The following BBS12 variants were observed in gnomAD, a reference collection of about 807,000 sequenced individuals.
BBS12 encodes the protein chaperonin-containing T-complex member BBS12.
A neutral mutation model predicts 5.6 loss-of-function variants in BBS12; 5 were observed. That is an observed-to-expected ratio of 0.89 (90% CI 0.46 to 1.86). The LOEUF is 1.86. Ranked by LOEUF, BBS12 falls within the 40% of genes most tolerant of loss-of-function variation. The pLI, the probability that BBS12 is intolerant of heterozygous loss-of-function variation, is 0.01. For synonymous variants in BBS12, 308 were observed against 306.8 expected (o/e 1.00, Z -0.04); for missense variants, 748 against 830.4 (o/e 0.90, Z 1.22).
At chr4:122,700,683 A>G in the BBS12 span, among the ~76,000 whole-genome samples, 1 of 152,216 alleles carries the variant, frequency 6.6e-6, no homozygotes, top group Admixed American at 6.5e-5. Context: ...GAGGATGTCC[A>G]AATTGGTGTT....
At chr4:122,712,455 A>G in the BBS12 span, among the ~76,000 whole-genome samples, 2 of 152,244 alleles carry the variant, frequency 1.3e-5, no homozygotes, top group Non-Finnish European at 2.9e-5. Flanking sequence ...TTTAAAAGCT[A>G]ATTACTATTG....
chr4:122,710,050 A>G, the BBS12 span, among the ~76,000 whole-genome samples: 5 of 152,320 alleles, frequency 3.3e-5, no homozygotes, highest in Admixed American at 6.5e-5. Context: ...AAACAGCTTG[A>G]TATATAAAAG....
At chr4:122,728,152 A>T (rs1409582958), upstream of BBS12, among the ~76,000 whole-genome samples, 2 of 152,200 alleles carry the variant, frequency 1.3e-5, no homozygotes, top group Non-Finnish European at 2.9e-5. Flanking sequence ...ATTTTAACCC[A>T]ATCACTTCAT....
At chr4:122,712,142 T>G in the BBS12 span, among the ~76,000 whole-genome samples, 38 of 152,224 alleles carry the variant, frequency 2.5e-4, no homozygotes, top group Non-Finnish European at 4.7e-4. Context: ...TTCTGTGAAC[T>G]TCAGACTTGG....
At chr4:122,721,725 T>G in the BBS12 span, among the ~76,000 whole-genome samples, 1 of 152,218 alleles carries the variant, frequency 6.6e-6, no homozygotes, top group Non-Finnish European at 1.5e-5. Flanking sequence ...GGATGGTGGC[T>G]AGGTTCCAAG....
the BBS12 span, among the ~76,000 whole-genome samples, chr4:122,721,568 A>C: frequency 6.6e-6 from 1 of 152,210 alleles, no homozygotes; most frequent in Admixed American, 6.5e-5. Flanking sequence ...CAGATTGTCT[A>C]TTATGCCCTA....
chr4:122,727,544 A>ATTTTTTTTTT, the BBS12 span, among the ~76,000 whole-genome samples: 34 of 82,292 alleles, frequency 4.1e-4, 8 homozygotes, highest in African/African-American at 1.4e-3. Flanking sequence ...CCCCTGGCCA[A>ATTTTTTTTTT]TTTTTTTTTT....
chr4:122,732,706 C>T lies in BBS12; in HGVS notation c.-189C>T, dbSNP rs1241192290. ...GGAACTTCTCTCTCCAGCTGTGTCTCTTAGCAACTAAGCCCCCGGCTCCTC... is the reference window on the plus strand; with the variant it reads ...GGAACTTCTCTCTCCAGCTGTGTCTTTTAGCAACTAAGCCCCCGGCTCCTC... On this transcript the variant is annotated 5_prime_UTR_variant, in exon 1 of 2. Transcript: ENST00000314218. 6.6e-6 allele frequency: 1 copy of T among 152,498 alleles called. No homozygotes were observed. Among genetic ancestry groups the T allele is most frequent in the Non-Finnish European group, 1.5e-5 (1 of 68,218 alleles). 9.4% of individuals were successfully genotyped at this position (152,498 alleles called of 1,614,324 possible).
At chr4:122,723,327 A>C in the BBS12 span, among the ~76,000 whole-genome samples, 2 of 152,206 alleles carry the variant, frequency 1.3e-5, no homozygotes, top group East Asian at 3.8e-4. Flanking sequence ...GCTTTTCCTT[A>C]AATGGTAATA....
intron 1 of BBS12, chr4:122,733,859 C>CTTTTTTTTTTTTTTTTTTTTTTTT (rs35729794): frequency 4.1e-5 from 4 of 97,130 alleles, no homozygotes; most frequent in Non-Finnish European, 6.0e-5. Flanking sequence ...TAACTTTAGT[C>CTTTTTTTTTTTTTTTTTTTTTTTT]TTTTTTTTTT....
At position 122,743,179 on chromosome 4, in the gene BBS12, T is replaced by TA. The variant is rs1560707962; in HGVS notation, c.1289dup (p.Arg431AlafsTer32). The TA allele has an allele frequency of 6.2e-7, 1 of 1,614,188 alleles. No homozygotes were observed. Among genetic ancestry groups the TA allele is most frequent in the Admixed American group, 1.7e-5 (1 of 60,028 alleles). On this transcript the variant is annotated frameshift_variant, in exon 2 of 2. Coordinates refer to ENST00000314218, the MANE Select transcript of BBS12 (RefSeq NM_152618.3). LOFTEE classifies it low-confidence loss of function (END_TRUNC). ...GCTTAATTGAAAAATGTATAAACAG[T>TA]AAGCGGTTGGTAATCGGCTCAGTGA...
chr4:122,707,067 T>C, the BBS12 span, among the ~76,000 whole-genome samples: 1 of 147,684 alleles, frequency 6.8e-6, no homozygotes, highest in African/African-American at 2.5e-5. Flanking sequence ...TTTTTTTTTT[T>C]TTTTTTTTTC....
chr4:122,725,806 G>A, the BBS12 span, among the ~76,000 whole-genome samples: 1 of 149,534 alleles, frequency 6.7e-6, no homozygotes, highest in East Asian at 2.0e-4. Flanking sequence ...GCTGAGGCAG[G>A]AGAATCGCTT....
chr4:122,722,585 T>C, the BBS12 span, among the ~76,000 whole-genome samples: 1 of 152,194 alleles, frequency 6.6e-6, no homozygotes, highest in African/African-American at 2.4e-5. Context: ...TACTTCTTAA[T>C]AGATTTTTAA....
chr4:122,716,653 A>G, the BBS12 span, among the ~76,000 whole-genome samples: 14,772 of 96,684 alleles, frequency 0.15, 1,634 homozygotes, highest in East Asian at 0.53. Context: ...ACGTGTGTGT[A>G]TATGCACATA....
the BBS12 span, among the ~76,000 whole-genome samples, chr4:122,716,652 T>TGG: frequency 1.2e-5 from 1 of 85,186 alleles, no homozygotes; most frequent in East Asian, 3.0e-4. Context: ...CACGTGTGTG[T>TGG]ATATGCACAT....
At chr4:122,737,336 A>T (rs1230042202) in intron 1 of BBS12, among the ~76,000 whole-genome samples, 1 of 152,214 alleles carries the variant, frequency 6.6e-6, no homozygotes, top group African/African-American at 2.4e-5. Flanking sequence ...AGGCAGAATT[A>T]TATAGTAGTT....
At chr4:122,709,844 C>T in the BBS12 span, among the ~76,000 whole-genome samples, 4 of 151,900 alleles carry the variant, frequency 2.6e-5, no homozygotes, top group East Asian at 1.9e-4. Context: ...TTAGTAGAGA[C>T]GGGATTTCAC....
At chr4:122,707,807 G>A in the BBS12 span, among the ~76,000 whole-genome samples, 1 of 152,092 alleles carries the variant, frequency 6.6e-6, no homozygotes, top group African/African-American at 2.4e-5. Context: ...TAAGTGTTCT[G>A]AGAGAAGCAG....
Sources: allele counts gnomAD v4.1 joint callset (sites outside exome capture counted in the v4.1 genomes callset), GRCh38; gene constraint gnomAD v4.1.1; transcripts MANE v1.5; gene names NCBI Gene and HGNC (gene_info 2026-07-23, HGNC 2026-07-21).